CHD6: variants seen among roughly 807,000 people sequenced by gnomAD.
The protein encoded by CHD6 is ATP-dependent chromatin remodeler CHD6.
In CHD6, 50 loss-of-function variants were observed where a neutral mutation model predicts 276.9. The ratio of observed to expected loss-of-function variants is 0.18; its 90% CI spans 0.14 to 0.23. The LOEUF is 0.23. CHD6 is among the 10% of genes least tolerant of loss of function. The probability of loss-of-function intolerance (pLI) is 1.00; values close to 1 mark genes in which losing one functional copy is unlikely to be tolerated. For synonymous variants in CHD6, 1,173 were observed against 1,229.3 expected, an observed-to-expected ratio of 0.95 and a Z score of 0.96; for missense variants, 2,564 against 3,365.8, an observed-to-expected ratio of 0.76 and a Z score of 5.89.
intron 1 of CHD6, among the ~76,000 whole-genome samples, chr20:41,606,842 A>T (rs1181293196): frequency 6.6e-6 from 1 of 152,120 alleles, no homozygotes; most frequent in Non-Finnish European, 1.5e-5. Flanking sequence ...AGAAAATCTG[A>T]TTTTACTGTT....
intron 1 of CHD6, among the ~76,000 whole-genome samples, chr20:41,583,463 T>C (rs1173592057): frequency 6.6e-6 from 1 of 151,880 alleles, no homozygotes; most frequent in Non-Finnish European, 1.5e-5. Context: ...CAACCAGTTT[T>C]CAGATAATTA....
intron 1 of CHD6, among the ~76,000 whole-genome samples, chr20:41,554,481 C>T (rs1421434809): frequency 1.3e-5 from 2 of 151,398 alleles, no homozygotes; most frequent in Non-Finnish European, 2.9e-5. Context: ...GAGGGAAGGT[C>T]AGCAGATAAA....
Position 41,412,131 on chromosome 20 carries a change from C to G in CHD6, c.7251+13G>C. On this transcript the variant is annotated intron_variant, in intron 36 of 36. Coordinates refer to ENST00000373233, the MANE Select transcript of CHD6 (RefSeq NM_032221.5). The stretch of plus-strand genomic sequence containing the variant: ...TCCTCCTGGCCCCACACTCACGTGG[C>G]CTTCTTCCTTACCCTCAGTCCTGGC... 6.2e-7 allele frequency: 1 copy of G among 1,614,026 alleles called. No individual in the cohort carries two copies. Among genetic ancestry groups the G allele is most frequent in the Non-Finnish European group, 8.5e-7 (1 of 1,179,940 alleles).
intron 1 of CHD6, among the ~76,000 whole-genome samples, chr20:41,587,102 A>G (rs912004792): frequency 2.0e-5 from 3 of 152,174 alleles, no homozygotes; most frequent in African/African-American, 7.2e-5. Context: ...TTCTAGAACT[A>G]TAATTTAATA....
At position 41,547,461 on chromosome 20, in the gene CHD6, T is replaced by C. The variant is rs2045064469; in HGVS notation, c.33+3844A>G. ...TGACCCCAATGAGATTAGAGTCGTATACCTGAGGTGCACCGGGGGTGAAGT... is the reference window on the plus strand; with the variant it reads ...TGACCCCAATGAGATTAGAGTCGTACACCTGAGGTGCACCGGGGGTGAAGT... On this transcript the variant is annotated intron_variant, in intron 2 of 36. Transcript: ENST00000373233. The C allele has an allele frequency of 8.6e-6, 3 of 349,348 alleles. No individual in the cohort carries two copies. In the Admixed American group the frequency reaches 1.1e-4, roughly 13 times the overall value. 21.6% of individuals were successfully genotyped at this position (349,348 alleles called of 1,614,324 possible).
intron 3 of CHD6, among the ~76,000 whole-genome samples, chr20:41,530,652 G>C (rs1295445678): frequency 2.0e-5 from 3 of 151,968 alleles, no homozygotes; most frequent in Non-Finnish European, 4.4e-5. Flanking sequence ...CTAATTAAAG[G>C]AACCAAAACA....
chr20:41,506,520 C>T (rs2043980624), intron 5 of CHD6, among the ~76,000 whole-genome samples: 1 of 152,326 alleles, frequency 6.6e-6, no homozygotes, highest in Non-Finnish European at 1.5e-5. Flanking sequence ...TTAGTGAAGG[C>T]AACTCTGACC....
intron 2 of CHD6, among the ~76,000 whole-genome samples, chr20:41,535,998 G>A (rs2044822286): frequency 6.6e-6 from 1 of 152,200 alleles, no homozygotes; most frequent in Admixed American, 6.5e-5. Flanking sequence ...TACCAGAAAT[G>A]TTTGTATTTT....
chr20:41,405,840 T>C (rs1016952750), intron 36 of CHD6, among the ~76,000 whole-genome samples: 10 of 152,138 alleles, frequency 6.6e-5, no homozygotes. Flanking sequence ...TGGTTCTCGG[T>C]GAGACTGTTA....
chr20:41,505,697 T>C (rs2043960827), intron 5 of CHD6, among the ~76,000 whole-genome samples: 1 of 152,196 alleles, frequency 6.6e-6, no homozygotes, highest in Non-Finnish European at 1.5e-5. Flanking sequence ...GGGCCTAGTT[T>C]TTGGATTTCT....
chr20:41,428,456 A>T (rs2047433951), intron 27 of CHD6, among the ~76,000 whole-genome samples: 1 of 152,200 alleles, frequency 6.6e-6, no homozygotes, highest in Non-Finnish European at 1.5e-5. Flanking sequence ...GTTCATCTTC[A>T]AAGAGGTATG....
At chr20:41,574,476 C>A (rs2045452386) in intron 1 of CHD6, among the ~76,000 whole-genome samples, 1 of 152,082 alleles carries the variant, frequency 6.6e-6, no homozygotes, top group African/African-American at 2.4e-5. Context: ...TCTGTATACT[C>A]CTTAATTTAC....
intron 1 of CHD6, among the ~76,000 whole-genome samples, chr20:41,555,128 C>T (rs1193314412): frequency 2.1e-5 from 3 of 144,148 alleles, no homozygotes; most frequent in African/African-American, 7.8e-5. Flanking sequence ...CACCTCCCTC[C>T]CCGACGGGGC....
Position 41,405,125 on chromosome 20 carries a change from C to A in CHD6, c.7616G>T (p.Ser2539Ile). 6.2e-7 allele frequency: 1 copy of A among 1,614,232 alleles called. No individual in the cohort carries two copies. Among genetic ancestry groups the A allele is most frequent in the South Asian group, 1.1e-5 (1 of 91,082 alleles). Residue 2539 changes from serine to isoleucine, a missense_variant, in exon 37 of 37, where the codon AGT (serine) becomes ATT (isoleucine). Ser to Ile is a moderately radical substitution (Grantham distance 142). Coordinates refer to ENST00000373233, the MANE Select transcript of CHD6 (RefSeq NM_032221.5). ...AGTGCAGGTGGTTGCCATGGGTGGACTGAGGAGTCCCCCAACACCAAACAT... is the reference window on the plus strand; with the variant it reads ...AGTGCAGGTGGTTGCCATGGGTGGAATGAGGAGTCCCCCAACACCAAACAT... The part of the protein sequence containing the change: ...PQMFGVGGLL[S>I]PPMATTCTST...
At chr20:41,416,823 T>A in intron 32 of CHD6, 29 bp from the exon 33 acceptor site, 1 of 1,475,228 alleles carries the variant, frequency 6.8e-7, no homozygotes, top group Non-Finnish European at 9.0e-7. Flanking sequence ...CTCTGATGAA[T>A]AAGGATCGAG....
intron 25 of CHD6, among the ~76,000 whole-genome samples, chr20:41,443,808 G>A (rs968489440): frequency 6.6e-6 from 1 of 152,082 alleles, no homozygotes; most frequent in Non-Finnish European, 1.5e-5. Context: ...AGTCCTTCTG[G>A]TTCACTGTCA....
chr20:41,527,181 T>C (rs2044560378), intron 3 of CHD6, among the ~76,000 whole-genome samples: 1 of 152,158 alleles, frequency 6.6e-6, no homozygotes, highest in African/African-American at 2.4e-5. Context: ...CTCATGCCTG[T>C]AATCCCAGCA....
chr20:41,438,107 C>A (rs1468148371), intron 26 of CHD6, among the ~76,000 whole-genome samples: 1 of 152,214 alleles, frequency 6.6e-6, no homozygotes. Flanking sequence ...TAGGATGAAT[C>A]TTCCCACAGA....
chr20:41,423,656 G>C lies in CHD6; in HGVS notation c.4391C>G (p.Ser1464Cys), dbSNP rs758071551. The change falls in exon 30 of 37, where the codon TCC (serine) becomes TGC (cysteine). Residue 1464 changes from serine to cysteine, a missense_variant. By Grantham distance (112) the Ser-to-Cys change is moderately radical (BLOSUM62 -1). Coordinates refer to ENST00000373233, the MANE Select transcript of CHD6 (RefSeq NM_032221.5). ...EQADFYRTVS[S>C]FGVVYDQEKK... ...TTCTTGATCGTAAACAACACCAAAG[G>C]AAGACACTGTTCTATAGAAGTCTGC... 55 of 1,614,046 alleles carry C rather than the reference G, an allele frequency of 3.4e-5. No homozygotes were observed.
Sources: gnomAD v4.1 joint callset for allele counts (sites outside exome capture counted in the v4.1 genomes callset) on GRCh38, gnomAD v4.1.1 for gene constraint, MANE v1.5 for transcripts, NCBI Gene and HGNC (gene_info 2026-07-23, HGNC 2026-07-21) for gene names.